CDKAL1: variants seen among roughly 807,000 people sequenced by gnomAD.
The protein encoded by CDKAL1 is threonylcarbamoyladenosine tRNA methylthiotransferase.
A neutral mutation model predicts 68.2 loss-of-function variants in CDKAL1; 32 were observed. The ratio of observed to expected loss-of-function variants is 0.47; its 90% CI spans 0.35 to 0.63. CDKAL1 has a LOEUF of 0.63. CDKAL1 is among the 30% of genes least tolerant of loss of function. The probability of loss-of-function intolerance (pLI) is 0.00; values close to 1 mark genes in which losing one functional copy is unlikely to be tolerated. For synonymous variants in CDKAL1, 234 were observed against 244.3 expected, an observed-to-expected ratio of 0.96 and a Z score of 0.39; for missense variants, 606 against 696.7, an observed-to-expected ratio of 0.87 and a Z score of 1.47.
At chr6:21,138,437 C>T (rs1045974431) in intron 13 of CDKAL1, among the ~76,000 whole-genome samples, 1 of 152,220 alleles carries the variant, frequency 6.6e-6, no homozygotes, top group Non-Finnish European at 1.5e-5. Context: ...AAGTGCTTTG[C>T]AGCCAAGTGA....
intron 4 of CDKAL1, among the ~76,000 whole-genome samples, chr6:20,572,571 G>A (rs1303684491): frequency 1.3e-5 from 2 of 152,118 alleles, no homozygotes; most frequent in African/African-American, 4.8e-5. Flanking sequence ...ACATAGAAAT[G>A]CTGAGTGCTT....
At chr6:20,614,064 A>AT (rs1318634959) in intron 4 of CDKAL1, among the ~76,000 whole-genome samples, 10 of 151,834 alleles carry the variant, frequency 6.6e-5, no homozygotes, top group South Asian at 2.1e-4. Flanking sequence ...TACAAGGGTG[A>AT]TTTTTTGTTT....
chr6:21,003,172 G>A (rs1767519813), intron 11 of CDKAL1, among the ~76,000 whole-genome samples: 1 of 150,504 alleles, frequency 6.6e-6, no homozygotes, highest in African/African-American at 2.5e-5. Flanking sequence ...CCATCTACCT[G>A]GTGAGTAATT....
rs79399087 is a variant in CDKAL1, at chr6:20,897,485, T to C, written c.742+51307T>C. Among the ~76,000 whole-genome samples, 624 of 152,174 alleles carry C rather than the reference T, an allele frequency of 4.1e-3. 5 individuals are homozygous for C. The highest frequency in any genetic ancestry group is 0.014 in the African/African-American group (597 of 41,528). ...TCCTGGCCTCTTTTGACCTTGGGAA[T>C]CTAGTGGGCAGCCAGATGCCTCAGA... On this transcript the variant is annotated intron_variant, in intron 9 of 15. Coordinates refer to ENST00000274695, the MANE Select transcript of CDKAL1 (RefSeq NM_017774.3).
chr6:20,944,781 T>C (rs1360544893), intron 9 of CDKAL1, among the ~76,000 whole-genome samples: 1 of 152,228 alleles, frequency 6.6e-6, no homozygotes, highest in African/African-American at 2.4e-5. Context: ...GTTATAGAAC[T>C]GGTTATTGAT....
chr6:20,722,898 T>C (rs1039568279), intron 5 of CDKAL1, among the ~76,000 whole-genome samples: 10 of 152,072 alleles, frequency 6.6e-5, no homozygotes, highest in Admixed American at 6.6e-4. Flanking sequence ...AACCTGACTT[T>C]GGGGAAGATG....
At chr6:20,788,948 A>G (rs1032720362) in intron 8 of CDKAL1, among the ~76,000 whole-genome samples, 21 of 152,214 alleles carry the variant, frequency 1.4e-4, no homozygotes, top group African/African-American at 5.1e-4. Flanking sequence ...TATTCACTCC[A>G]TAAATGTTTG....
chr6:21,005,873 C>T (rs975024444), intron 11 of CDKAL1, among the ~76,000 whole-genome samples: 2 of 152,136 alleles, frequency 1.3e-5, no homozygotes, highest in Non-Finnish European at 2.9e-5. Flanking sequence ...AAAGGGGAAT[C>T]TTTTGCAGGG....
In CDKAL1 at chr6:21,202,357, A is replaced by G. The variant is rs186540189; in HGVS notation, c.1548+1083A>G. On this transcript the variant is annotated intron_variant, in intron 15 of 15. Transcript: ENST00000274695. The stretch of plus-strand genomic sequence containing the variant: ...GCCTGCATGATCAGGAGATAACTCT[A>G]AAACTTGATAAACATAACCATTCAT... Among the ~76,000 whole-genome samples, 145 of 152,298 alleles carry G rather than the reference A, an allele frequency of 9.5e-4. 2 individuals carry two copies. The highest frequency in any genetic ancestry group is 3.3e-3 in the African/African-American group (138 of 41,558).
At chr6:20,546,053 C>T (rs566275271) in intron 2 of CDKAL1, among the ~76,000 whole-genome samples, 2 of 151,592 alleles carry the variant, frequency 1.3e-5, no homozygotes, top group South Asian at 2.1e-4. Flanking sequence ...GAAACAGTTC[C>T]TCTCCTACTT....
At chr6:20,662,900 T>C (rs1769354234) in intron 5 of CDKAL1, among the ~76,000 whole-genome samples, 1 of 152,166 alleles carries the variant, frequency 6.6e-6, no homozygotes, top group African/African-American at 2.4e-5. Flanking sequence ...GAGGCTTACA[T>C]GACTTAGGGG....
At chr6:20,668,844 C>T (rs1465503463) in intron 5 of CDKAL1, among the ~76,000 whole-genome samples, 14 of 152,208 alleles carry the variant, frequency 9.2e-5, no homozygotes, top group African/African-American at 2.9e-4. Flanking sequence ...ATGACATTGA[C>T]GCTGTTGAAG....
intron 13 of CDKAL1, among the ~76,000 whole-genome samples, chr6:21,170,619 C>T (rs933622732): frequency 3.3e-5 from 5 of 152,022 alleles, no homozygotes; most frequent in South Asian, 2.1e-4. Context: ...TGAGCCACCA[C>T]GCCCGACCGT....
At chr6:20,660,087 G>A (rs1769216007) in intron 5 of CDKAL1, among the ~76,000 whole-genome samples, 1 of 151,980 alleles carries the variant, frequency 6.6e-6, no homozygotes, top group African/African-American at 2.4e-5. Flanking sequence ...TTGATCTCTG[G>A]AACTCATGTC....
chr6:21,103,596 C>G (rs953568203), intron 12 of CDKAL1, among the ~76,000 whole-genome samples: 16 of 152,102 alleles, frequency 1.1e-4, no homozygotes, highest in Admixed American at 7.2e-4. Flanking sequence ...AAACCCACGG[C>G]AGCCCGCAAA....
chr6:20,679,540 T>C (rs547714275), intron 5 of CDKAL1, among the ~76,000 whole-genome samples: 1 of 152,214 alleles, frequency 6.6e-6, no homozygotes, highest in South Asian at 2.1e-4. Context: ...TCCCCAGACC[T>C]CTCTTGGTTG....
At chr6:20,968,125 G>A (rs1765418264) in intron 10 of CDKAL1, among the ~76,000 whole-genome samples, 1 of 149,500 alleles carries the variant, frequency 6.7e-6, no homozygotes, top group African/African-American at 2.5e-5. Context: ...CTTTTAGGAT[G>A]TGTTGATTAA....
At chr6:21,126,545 T>G (rs1775024888) in intron 13 of CDKAL1, among the ~76,000 whole-genome samples, 1 of 152,222 alleles carries the variant, frequency 6.6e-6, no homozygotes, top group Non-Finnish European at 1.5e-5. Context: ...CGCTTCTGGC[T>G]CTTCTGTAAA....
At chr6:20,735,163 T>C (rs11753021) in intron 5 of CDKAL1, among the ~76,000 whole-genome samples, 58,971 of 152,038 alleles carry the variant, frequency 0.39, 12,126 homozygotes, top group East Asian at 0.68. Flanking sequence ...AGCCACTGCA[T>C]CCGACCTTCT....
Sources: allele counts gnomAD v4.1 joint callset (sites outside exome capture counted in the v4.1 genomes callset), GRCh38; gene constraint gnomAD v4.1.1; transcripts MANE v1.5; gene names NCBI Gene and HGNC (gene_info 2026-07-23, HGNC 2026-07-21).